The following SPRR2G variants were observed in gnomAD, a reference collection of about 807,000 sequenced individuals.
SPRR2G encodes small proline rich protein 2G.
In SPRR2G, 1 loss-of-function variant was observed where a neutral mutation model predicts 0.7. That is an observed-to-expected ratio of 1.49 (90% CI 0.53 to 7.06). SPRR2G has a LOEUF of 7.06. SPRR2G is among the 30% of genes most tolerant of loss of function. The probability of loss-of-function intolerance (pLI) is 0.14; values close to 1 mark genes in which losing one functional copy is unlikely to be tolerated. For synonymous variants in SPRR2G, 38 were observed against 33.9 expected (o/e 1.12, Z -0.42); for missense variants, 96 against 88.5 (o/e 1.09, Z -0.34).
At chr1:153,193,416 C>T in the SPRR2G span, among the ~76,000 whole-genome samples, 3 of 152,194 alleles carry the variant, frequency 2.0e-5, no homozygotes, top group Non-Finnish European at 2.9e-5. Context: ...ATCTTCATTC[C>T]CTATGCTGCC....
upstream of SPRR2G, among the ~76,000 whole-genome samples, chr1:153,152,850 C>A (rs1471396803): frequency 6.6e-6 from 1 of 152,094 alleles, no homozygotes; most frequent in Admixed American, 6.6e-5. Flanking sequence ...CTAATAGATT[C>A]CAAAGTTATT....
chr1:153,151,780 G>A (rs116100878), upstream of SPRR2G, among the ~76,000 whole-genome samples: 604 of 152,266 alleles, frequency 4.0e-3, 9 homozygotes, highest in African/African-American at 0.013. Flanking sequence ...TTGCACATTC[G>A]AGGAGTGAAG....
chr1:153,173,375 A>G, the SPRR2G span, among the ~76,000 whole-genome samples: 1 of 152,338 alleles, frequency 6.6e-6, no homozygotes, highest in East Asian at 1.9e-4. Flanking sequence ...AGGGAAATAA[A>G]TATGGAGGTT....
the SPRR2G span, among the ~76,000 whole-genome samples, chr1:153,191,928 T>C: frequency 6.6e-6 from 1 of 152,226 alleles, no homozygotes; most frequent in African/African-American, 2.4e-5. Flanking sequence ...TCAGAACCAA[T>C]TTAGCACTGC....
chr1:153,188,426 G>C, the SPRR2G span, among the ~76,000 whole-genome samples: 1 of 152,164 alleles, frequency 6.6e-6, no homozygotes, highest in Non-Finnish European at 1.5e-5. Flanking sequence ...ATTTAGAGAG[G>C]CAGTCTGGCC....
chr1:153,175,823 G>A, the SPRR2G span, among the ~76,000 whole-genome samples: 445 of 152,250 alleles, frequency 2.9e-3, 5 homozygotes, highest in African/African-American at 0.01. Flanking sequence ...GGTGGCTCAC[G>A]CCTGTAATCC....
chr1:153,186,791 T>A, the SPRR2G span, among the ~76,000 whole-genome samples: 1 of 152,196 alleles, frequency 6.6e-6, no homozygotes, highest in South Asian at 2.1e-4. Flanking sequence ...TTCTTCATAG[T>A]GTCGTTGGTC....
At chr1:153,166,562 G>A in the SPRR2G span, among the ~76,000 whole-genome samples, 1 of 152,060 alleles carries the variant, frequency 6.6e-6, no homozygotes, top group East Asian at 1.9e-4. Flanking sequence ...AAGCTCTGAT[G>A]CTGCACCCTC....
chr1:153,152,743 T>C (rs749937437), upstream of SPRR2G, among the ~76,000 whole-genome samples: 1 of 152,194 alleles, frequency 6.6e-6, no homozygotes, highest in Non-Finnish European at 1.5e-5. Flanking sequence ...CTAGGAACCA[T>C]AGCTGATGCA....
chr1:153,157,092 G>C, the SPRR2G span, among the ~76,000 whole-genome samples: 4,706 of 152,236 alleles, frequency 0.031, 241 homozygotes, highest in African/African-American at 0.11. Context: ...TGAATGCATA[G>C]TACTTTGGCA....
chr1:153,180,788 CT>C, the SPRR2G span, among the ~76,000 whole-genome samples: 27 of 152,220 alleles, frequency 1.8e-4, no homozygotes, highest in African/African-American at 6.3e-4. Flanking sequence ...TATTGTCTAT[CT>C]TTTTTCGTGT....
At chr1:153,177,245 G>C in the SPRR2G span, among the ~76,000 whole-genome samples, 1 of 152,070 alleles carries the variant, frequency 6.6e-6, no homozygotes, top group East Asian at 1.9e-4. Flanking sequence ...ATAATTTATT[G>C]ATTTACCTGC....
the SPRR2G span, among the ~76,000 whole-genome samples, chr1:153,195,212 C>T: frequency 1.1e-4 from 17 of 152,268 alleles, no homozygotes; most frequent in South Asian, 4.2e-4. Context: ...CTAGGCAGTA[C>T]GTTGCTCCCT....
At chr1:153,159,381 AGAACAACTCAGCC>A in the SPRR2G span, among the ~76,000 whole-genome samples, 1 of 152,172 alleles carries the variant, frequency 6.6e-6, no homozygotes, top group African/African-American at 2.4e-5. Flanking sequence ...CCTCCATCTG[AGAACAACTCAGCC>A]TGGACTTCAT....
the SPRR2G span, among the ~76,000 whole-genome samples, chr1:153,156,059 C>G: frequency 6.6e-6 from 1 of 152,144 alleles, no homozygotes; most frequent in African/African-American, 2.4e-5. Context: ...GATCCAATAC[C>G]TGAAACAGAG....
the SPRR2G span, among the ~76,000 whole-genome samples, chr1:153,199,759 G>C: frequency 2.0e-5 from 3 of 151,930 alleles, no homozygotes; most frequent in Admixed American, 2.0e-4. Context: ...ATAAATAGAA[G>C]TAAGAAATCA....
the SPRR2G span, among the ~76,000 whole-genome samples, chr1:153,156,584 G>A: frequency 0.016 from 2,416 of 152,178 alleles, 76 homozygotes; most frequent in African/African-American, 0.054. Context: ...AATACGCGCT[G>A]TTTTCCCTAT....
the SPRR2G span, among the ~76,000 whole-genome samples, chr1:153,197,515 T>C: frequency 6.6e-6 from 1 of 152,190 alleles, no homozygotes; most frequent in South Asian, 2.1e-4. Flanking sequence ...TGTATATCCA[T>C]TCATTTATTT....
At chr1:153,165,116 T>G in the SPRR2G span, among the ~76,000 whole-genome samples, 1 of 151,896 alleles carries the variant, frequency 6.6e-6, no homozygotes, top group Admixed American at 6.6e-5. Context: ...TCCAGAATAT[T>G]TGCACCCAGG....
Sources: allele counts gnomAD v4.1 joint callset (sites outside exome capture counted in the v4.1 genomes callset), GRCh38; gene constraint gnomAD v4.1.1; transcripts MANE v1.5; gene names NCBI Gene and HGNC (gene_info 2026-07-23, HGNC 2026-07-21).